The following KANK1 variants were observed in gnomAD, a reference collection of about 807,000 sequenced individuals.
The protein encoded by KANK1 is KN motif and ankyrin repeat domain-containing protein 1.
In KANK1, 109 loss-of-function variants were observed where a neutral mutation model predicts 106.2. That is an observed-to-expected ratio of 1.03 (90% CI 0.88 to 1.20). The LOEUF (loss-of-function observed/expected upper bound fraction) is 1.20. KANK1 is among the 50% of genes most tolerant of loss of function. The pLI is 0.00. For synonymous variants in KANK1, 873 were observed against 652.2 expected (o/e 1.34, Z -5.16); for missense variants, 2,399 against 1,710.7 (o/e 1.40, Z -7.10).
At chr9:620,104 C>G (rs1832784694) in intron 1 of KANK1, among the ~76,000 whole-genome samples, 1 of 150,844 alleles carries the variant, frequency 6.6e-6, no homozygotes, top group Admixed American at 6.6e-5. Context: ...TGCACTCCAG[C>G]CTGGGCAACA....
intron 1 of KANK1, among the ~76,000 whole-genome samples, chr9:520,137 A>C (rs1353244064): frequency 6.6e-6 from 1 of 151,634 alleles, no homozygotes; most frequent in Non-Finnish European, 1.5e-5. Flanking sequence ...CAGGAATTCA[A>C]GACTAGTCTG....
At chr9:561,314 C>T (rs955322596) in intron 1 of KANK1, among the ~76,000 whole-genome samples, 5 of 152,238 alleles carry the variant, frequency 3.3e-5, no homozygotes, top group African/African-American at 1.2e-4. Context: ...TCACTTTTTT[C>T]ACTTGATAGA....
chr9:693,825 G>A lies in KANK1; in HGVS notation c.37+16816G>A, dbSNP rs1051051808. On this transcript the variant is annotated intron_variant, in intron 2 of 11. Coordinates refer to ENST00000382297, the MANE Select transcript of KANK1 (RefSeq NM_015158.5). Reference sequence around the variant, plus strand: ...CCCACAAAAGAAAGAGAGGAGGAGAGCATGATGTTTGGGTGGGGGTTGGTG... The same window carrying A: ...CCCACAAAAGAAAGAGAGGAGGAGAACATGATGTTTGGGTGGGGGTTGGTG... The A allele has an allele frequency of 4.1e-6, 4 of 984,902 alleles. No individual in the cohort carries two copies. In the African/African-American group the frequency reaches 5.2e-5, roughly 13 times the overall value. The allele number at this position is 984,902 out of a possible 1,614,324, so 61.0% of individuals were successfully genotyped here.
At position 711,731 on chromosome 9, in the gene KANK1, G is replaced by A. The variant is rs774067176; in HGVS notation, c.965G>A (p.Arg322Gln). The change falls in exon 3 of 12, where the codon CGG (arginine) becomes CAG (glutamine). Residue 322 changes from arginine (R) to glutamine (Q), a missense_variant. Coordinates refer to ENST00000382297, the MANE Select transcript of KANK1 (RefSeq NM_015158.5). ...ATCAATGTCTGTGGTGTGAGGAAGC[G>A]GTCCTATAGTGCGGGGAACGCCTCC... ...SQINVCGVRK[R>Q]SYSAGNASQL... 1.5e-5 allele frequency: 25 copies of A among 1,614,104 alleles called. No individual in the cohort carries two copies. The highest frequency in any genetic ancestry group is 5.3e-5 in the African/African-American group (4 of 74,938).
At chr9:673,766 C>G (rs1182699956) in intron 1 of KANK1, 2 of 152,082 alleles carry the variant, frequency 1.3e-5, no homozygotes, top group African/African-American at 4.8e-5. Context: ...ACCCCTAGCA[C>G]ATGCAGCTTG....
intron 1 of KANK1, among the ~76,000 whole-genome samples, chr9:563,711 G>A (rs1323785040): frequency 6.6e-6 from 1 of 152,134 alleles, no homozygotes; most frequent in Non-Finnish European, 1.5e-5. Context: ...CCTAGGGAGA[G>A]GTTTCTCTTC....
intron 1 of KANK1, among the ~76,000 whole-genome samples, chr9:582,994 G>T (rs1822550103): frequency 6.6e-6 from 1 of 152,114 alleles, no homozygotes; most frequent in Non-Finnish European, 1.5e-5. Context: ...TATTTTTTTT[G>T]ATATCAGAAT....
rs760255702 is a variant in KANK1, at chr9:731,231, A to C, written c.2970A>C (p.Ala990=). 2.5e-5 allele frequency: 40 copies of C among 1,609,606 alleles called. No individual in the cohort carries two copies. The highest frequency in any genetic ancestry group is 4.0e-5 in the African/African-American group (3 of 74,842). ...KKDGNKDSNG[A]KKNLQFVGIN... ...ATGGTAACAAAGATTCAAATGGCGC[A>C]AAAAAGAATCTTCAGTTTGTTGGCA... The change falls in exon 5 of 12, where the codon GCA becomes GCC. Residue 990 remains alanine (A), a synonymous_variant. Transcript: ENST00000382297.
intron 1 of KANK1, among the ~76,000 whole-genome samples, chr9:505,584 G>A (rs10974894): frequency 1.3e-5 from 2 of 152,252 alleles, no homozygotes; most frequent in African/African-American, 4.8e-5. Context: ...GGAACTTTCA[G>A]AGGCAACTGT....
At position 711,495 on chromosome 9, in the gene KANK1, CCT is replaced by C. The variant is rs756690121; in HGVS notation, c.730_731del (p.Leu244GlufsTer81). On this transcript the variant is annotated frameshift_variant, in exon 3 of 12. Transcript: ENST00000382297. LOFTEE classifies it high-confidence loss of function. ...SMGSSIRHSP[L>X]SSGISTPVTN... ...TGGGGAGCTCCATCCGCCACAGCCC[CCT>C]GAGCTCAGGGATCTCCACCCCAGTG... The C allele has an allele frequency of 1.9e-6, 3 of 1,614,152 alleles. No homozygotes were observed. Among genetic ancestry groups the C allele is most frequent in the East Asian group, 2.2e-5 (1 of 44,886 alleles).
At chr9:505,262 C>T (rs955446056) in intron 1 of KANK1, among the ~76,000 whole-genome samples, 3 of 152,152 alleles carry the variant, frequency 2.0e-5, no homozygotes, top group Admixed American at 2.0e-4. Context: ...GTCAAGACCC[C>T]TTTATCCTCG....
Position 745,156 on chromosome 9 carries a change from C to T in KANK1, c.3997-17C>T, listed in dbSNP as rs116634011. 1 of 1,610,566 alleles carries T rather than the reference C, an allele frequency of 6.2e-7. No individual in the cohort carries two copies. Among genetic ancestry groups the T allele is most frequent in the Admixed American group, 1.7e-5 (1 of 59,168 alleles). Reference sequence around the variant, plus strand: ...TCACTTATTAACCCCCAGTTTTTTTCCTTTCCTGGTCTCTAGGGCACCCCT... The same window carrying T: ...TCACTTATTAACCCCCAGTTTTTTTTCTTTCCTGGTCTCTAGGGCACCCCT... On this transcript the variant is annotated splice_polypyrimidine_tract_variant and intron_variant, in intron 11 of 11. Coordinates refer to ENST00000382297, the MANE Select transcript of KANK1 (RefSeq NM_015158.5).
chr9:545,696 G>C (rs1226793800), intron 1 of KANK1, among the ~76,000 whole-genome samples: 8 of 147,630 alleles, frequency 5.4e-5, no homozygotes, highest in Admixed American at 5.4e-4. Context: ...AGCATATGGA[G>C]ATGCAGTACT....
intron 1 of KANK1, among the ~76,000 whole-genome samples, chr9:598,874 C>T (rs563795099): frequency 4.1e-5 from 6 of 147,636 alleles, no homozygotes; most frequent in East Asian, 4.0e-4. Context: ...TCAGGTGATC[C>T]GCCCTCCTCC....
In KANK1 at chr9:685,989, CAGCAGGTACATTTA is replaced by C. The variant is rs530009218; in HGVS notation, c.37+8983_37+8996del. Among the ~76,000 whole-genome samples the C allele has an allele frequency of 6.0e-3, 915 of 152,244 alleles. 5 individuals are homozygous for C. The highest frequency in any genetic ancestry group is 0.01 in the Non-Finnish European group (710 of 68,020). ...CCAAGGCGTTTGAAGTGTTTCTGTACAGCAGGTACATTTAAGACTCTCCAGGAAGAAAGGGGGAA... is the reference window on the plus strand; with the variant it reads ...CCAAGGCGTTTGAAGTGTTTCTGTACAGACTCTCCAGGAAGAAAGGGGGAA... On this transcript the variant is annotated intron_variant, in intron 2 of 11. Coordinates refer to ENST00000382297, the MANE Select transcript of KANK1 (RefSeq NM_015158.5).
Position 712,426 on chromosome 9 carries a change from G to A in KANK1, c.1660G>A (p.Glu554Lys), listed in dbSNP as rs1289735071. 1.2e-6 allele frequency: 2 copies of A among 1,614,172 alleles called. No individual in the cohort carries two copies. Among genetic ancestry groups the A allele is most frequent in the Admixed American group, 1.7e-5 (1 of 60,016 alleles). The change falls in exon 3 of 12, where the codon GAA becomes AAA. Residue 554 changes from glutamate to lysine, a missense_variant. By Grantham distance (56) the Glu-to-Lys change is moderately conservative (BLOSUM62 1). Transcript: ENST00000382297. ...CAGTGTAGGCATCTCCTGCCAGCCT[G>A]AATGTAAGAATAAAGTCGTAGGGCC... ...TNSVGISCQPECKNKVVGPEL... is the reference protein window; with the variant it reads ...TNSVGISCQPKCKNKVVGPEL...
intron 2 of KANK1, among the ~76,000 whole-genome samples, chr9:695,930 G>T (rs966701000): frequency 6.6e-6 from 1 of 152,132 alleles, no homozygotes; most frequent in African/African-American, 2.4e-5. Context: ...TAGATGTGGG[G>T]CTTTACACTT....
At chr9:634,405 G>C (rs7030389) in intron 1 of KANK1, among the ~76,000 whole-genome samples, 36,669 of 152,112 alleles carry the variant, frequency 0.24, 4,493 homozygotes, top group East Asian at 0.33. Context: ...GAATGCAAAA[G>C]TCTGACAAGC....
chr9:598,288 A>T (rs1181346542), intron 1 of KANK1, among the ~76,000 whole-genome samples: 4 of 151,740 alleles, frequency 2.6e-5, no homozygotes, highest in Admixed American at 6.6e-5. Context: ...TTTGAAATTG[A>T]GAAGTGAGAG....
Sources: gnomAD v4.1 joint callset for allele counts (sites outside exome capture counted in the v4.1 genomes callset) on GRCh38, gnomAD v4.1.1 for gene constraint, MANE v1.5 for transcripts, NCBI Gene and HGNC (gene_info 2026-07-23, HGNC 2026-07-21) for gene names.